The following BPIFA1 variants were observed in gnomAD, a reference collection of about 807,000 sequenced individuals.
BPIFA1 encodes the protein BPI fold containing family A member 1.
A neutral mutation model predicts 25.1 loss-of-function variants in BPIFA1; 24 were observed. That is an observed-to-expected ratio of 0.96 (90% CI 0.69 to 1.35). The LOEUF is 1.35. Among genes scored for constraint, BPIFA1 ranks in the 40% most tolerant of loss-of-function variants. The pLI is 0.00. For synonymous variants in BPIFA1, 139 were observed against 131.8 expected (o/e 1.05, Z -0.37); for missense variants, 344 against 303.7 (o/e 1.13, Z -0.99).
rs146179198 is a variant in BPIFA1, at chr20:33,239,874, T to C, written c.392T>C (p.Val131Ala). The C allele has an allele frequency of 1.6e-4, 256 of 1,614,068 alleles. No individual in the cohort carries two copies. Among genetic ancestry groups the C allele is most frequent in the Non-Finnish European group, 2.1e-4 (250 of 1,180,018 alleles). Residue 131 changes from valine (V) to alanine (A), a missense_variant, in exon 4 of 9, where the codon GTC becomes GCC. Physicochemically the swap from Val to Ala is moderately conservative, Grantham distance 64. Coordinates refer to ENST00000354297, the MANE Select transcript of BPIFA1 (RefSeq NM_130852.3). Reference sequence around the variant, plus strand: ...AGCCCTGATGGCCACCGTCTCTATGTCACCATCCCTCTCGGCATAAAGCTC... The same window carrying C: ...AGCCCTGATGGCCACCGTCTCTATGCCACCATCCCTCTCGGCATAAAGCTC... ...VQSPDGHRLYVTIPLGIKLQV... is the reference protein window; with the variant it reads ...VQSPDGHRLYATIPLGIKLQV...
chr20:33,242,337 G>T, intron 7 of BPIFA1, 150 bp from the exon 8 acceptor site: 1 of 1,053,058 alleles, frequency 9.5e-7, no homozygotes, highest in Non-Finnish European at 1.4e-6. Context: ...CTGGTTGGTA[G>T]AAGGAGGCCT....
chr20:33,238,166 T>C lies in BPIFA1; in HGVS notation c.272T>C (p.Leu91Pro). ...GGTSGGLLGG[L>P]LGKVTSVIPG... ...ACTTCTGGTGGCCTCCTTGGGGGAC[T>C]GCTTGGAAAAGTGACGTCAGTGATT... The change falls in exon 3 of 9, where the codon CTG becomes CCG. Residue 91 changes from leucine (L) to proline (P), a missense_variant. Coordinates refer to ENST00000354297, the MANE Select transcript of BPIFA1 (RefSeq NM_130852.3). 1 of 1,613,936 alleles carries C rather than the reference T, an allele frequency of 6.2e-7. No individual in the cohort carries two copies. The highest frequency in any genetic ancestry group is 8.5e-7 in the Non-Finnish European group (1 of 1,179,910).
In BPIFA1 at chr20:33,239,234, C is replaced by T. The variant is rs1274534645; in HGVS notation, c.321-569C>T. Among the ~76,000 whole-genome samples, 4 of 152,286 alleles carry T rather than the reference C, an allele frequency of 2.6e-5. No homozygotes were observed. In the East Asian group the frequency reaches 7.7e-4, roughly 29 times the overall value. On this transcript the variant is annotated intron_variant, in intron 3 of 8. Transcript: ENST00000354297. ...GGCTTCCTTCCACCCTTTCTGCACTCTCCCTGACTTCCTGCTCCTCAATTC... is the reference window on the plus strand; with the variant it reads ...GGCTTCCTTCCACCCTTTCTGCACTTTCCCTGACTTCCTGCTCCTCAATTC...
chr20:33,240,042 T>A, intron 4 of BPIFA1, 132 bp downstream of exon 4: 1 of 1,316,064 alleles, frequency 7.6e-7, no homozygotes, highest in Non-Finnish European at 1.1e-6. Context: ...GCTGCTATGC[T>A]AAGTGGCCTT....
At chr20:33,239,379 C>T (rs907645843) in intron 3 of BPIFA1, among the ~76,000 whole-genome samples, 2 of 152,216 alleles carry the variant, frequency 1.3e-5, no homozygotes, top group African/African-American at 4.8e-5. Context: ...ACCAATCCAT[C>T]ATCCAGTTAT....
At chr20:33,237,970 G>A (rs1029125072) in intron 2 of BPIFA1, 85 bp from the exon 3 acceptor site, 17 of 1,544,628 alleles carry the variant, frequency 1.1e-5, no homozygotes, top group Non-Finnish European at 1.5e-5. Flanking sequence ...GCAAAGTGGG[G>A]AGGGACAGGG....
Position 33,240,329 on chromosome 20 carries a change from G to T in BPIFA1, c.525G>T (p.Leu175=), listed in dbSNP as rs768775611. ...GAGATAAGCAGGAGAGGATCCACCT[G>T]GTCCTTGGTGACTGCACCCATTCCC... The part of the protein sequence containing the change: ...AVRDKQERIH[L]VLGDCTHSPG... Residue 175 remains leucine (L), a synonymous_variant, in exon 5 of 9, where the codon CTG becomes CTT. Coordinates refer to ENST00000354297, the MANE Select transcript of BPIFA1 (RefSeq NM_130852.3). The T allele has an allele frequency of 3.1e-6, 5 of 1,614,126 alleles. No individual in the cohort carries two copies. Among genetic ancestry groups the T allele is most frequent in the Middle Eastern group, 1.6e-4 (1 of 6,062 alleles).
In BPIFA1 at chr20:33,240,287, A is replaced by G. The variant is rs375155083; in HGVS notation, c.483A>G (p.Ala161=). 1.2e-6 allele frequency: 2 copies of G among 1,614,088 alleles called. No individual in the cohort carries two copies. The highest frequency in any genetic ancestry group is 1.7e-6 in the Non-Finnish European group (2 of 1,180,048). Residue 161 remains alanine (A), a synonymous_variant, in exon 5 of 9, where the codon GCA becomes GCG. Transcript: ENST00000354297. The part of the protein sequence containing the change: ...LRLAVKLDIT[A]EILAVRDKQE... ...TGGCTGTGAAGCTGGACATCACTGCAGAAATCTTAGCTGTGAGAGATAAGC... is the reference window on the plus strand; with the variant it reads ...TGGCTGTGAAGCTGGACATCACTGCGGAAATCTTAGCTGTGAGAGATAAGC...
At chr20:33,237,475 G>T (rs1332799526) in intron 1 of BPIFA1, among the ~76,000 whole-genome samples, 7 of 152,160 alleles carry the variant, frequency 4.6e-5, no homozygotes, top group Non-Finnish European at 1.0e-4. Context: ...TGCAATGCAG[G>T]TAACAGGTGC....
chr20:33,239,917 G>A lies in BPIFA1; in HGVS notation c.428+7G>A. On this transcript the variant is annotated splice_region_variant and intron_variant, in intron 4 of 8. Coordinates refer to ENST00000354297, the MANE Select transcript of BPIFA1 (RefSeq NM_130852.3). ...TAAAGCTCCAAGTGAATACGTGAGT[G>A]GGTCCCAAGAGGGGGTGAGAGGATG... is the stretch of plus-strand genomic sequence containing the variant. The A allele has an allele frequency of 1.9e-6, 3 of 1,611,134 alleles. No homozygotes were observed. Among genetic ancestry groups the A allele is most frequent in the Non-Finnish European group, 2.5e-6 (3 of 1,177,296 alleles).
At position 33,239,785 on chromosome 20, in the gene BPIFA1, A is replaced by G; in HGVS notation, c.321-18A>G. 6.2e-7 allele frequency: 1 copy of G among 1,607,976 alleles called. No homozygotes were observed. ...AGAGGAGCTAATGTTTCCCCCTCCA[A>G]TATTACTCCCTGGACAGCATAAAGG... is the stretch of plus-strand genomic sequence containing the variant. On this transcript the variant is annotated intron_variant, in intron 3 of 8. Coordinates refer to ENST00000354297, the MANE Select transcript of BPIFA1 (RefSeq NM_130852.3).
intron 3 of BPIFA1, 72 bp from the exon 4 acceptor site, chr20:33,239,731 G>T (rs1978863115): frequency 1.4e-6 from 2 of 1,429,816 alleles, no homozygotes; most frequent in Non-Finnish European, 9.9e-7. Context: ...GGTACTGTTA[G>T]GTTAAAGATG....
intron 7 of BPIFA1, 74 bp downstream of exon 7, chr20:33,242,193 C>T (rs1382967316): frequency 7.5e-6 from 11 of 1,466,998 alleles, no homozygotes; most frequent in South Asian, 1.1e-5. Flanking sequence ...TTTTTCCCTG[C>T]ACACCCTAGG....
Position 33,237,898 on chromosome 20 carries a change from ATGTGTGTGTGTGTGTGTGTG to A in BPIFA1, c.160+61_160+80del, listed in dbSNP as rs11468029. On this transcript the variant is annotated intron_variant, in intron 2 of 8. Coordinates refer to ENST00000354297, the MANE Select transcript of BPIFA1 (RefSeq NM_130852.3). Reference sequence around the variant, plus strand: ...TGAGTTTTCAGGGGTGTATGTGTGCATGTGTGTGTGTGTGTGTGTGTGTGTGTGTGTGTGTGTGTGTGTGT... The same window carrying A: ...TGAGTTTTCAGGGGTGTATGTGTGCATGTGTGTGTGTGTGTGTGTGTGTGT... 3.5e-3 allele frequency: 4,112 copies of A among 1,184,756 alleles called. 3 individuals carry two copies. The highest frequency in any genetic ancestry group is 5.4e-3 in the Middle Eastern group (20 of 3,682). 73.4% of individuals were successfully genotyped at this position (1,184,756 alleles called of 1,614,324 possible).
At chr20:33,238,817 G>C (rs148757624) in intron 3 of BPIFA1, among the ~76,000 whole-genome samples, 1 of 152,320 alleles carries the variant, frequency 6.6e-6, no homozygotes, top group East Asian at 1.9e-4. Context: ...TGATGCCAGT[G>C]AGCCGGCAGA....
At chr20:33,241,157 T>C (rs1364178307) in intron 5 of BPIFA1, among the ~76,000 whole-genome samples, 1 of 152,242 alleles carries the variant, frequency 6.6e-6, no homozygotes, top group Non-Finnish European at 1.5e-5. Context: ...ACCTGCTTTT[T>C]CTGAGAACCA....
intron 5 of BPIFA1, among the ~76,000 whole-genome samples, chr20:33,240,645 TGATAGATAGATAGATA>T (rs10677321): frequency 1.4e-5 from 2 of 142,840 alleles, no homozygotes; most frequent in Non-Finnish European, 1.5e-5. Flanking sequence ...GATAGATAGA[TGATAGATAGATAGATA>T]GATAGATAGA....
intron 1 of BPIFA1, 65 bp from the exon 2 acceptor site, chr20:33,237,632 G>C: frequency 7.6e-7 from 1 of 1,313,918 alleles, no homozygotes; most frequent in South Asian, 2.6e-5. Flanking sequence ...CAGGTGTCAG[G>C]GCAGGTGGTG....
chr20:33,240,615 G>T (rs932508101), intron 5 of BPIFA1, among the ~76,000 whole-genome samples: 1 of 144,758 alleles, frequency 6.9e-6, no homozygotes. Flanking sequence ...TGGAGAGAAG[G>T]ATGAATAGAT....
Sources: gnomAD v4.1 joint callset for allele counts (sites outside exome capture counted in the v4.1 genomes callset) on GRCh38, gnomAD v4.1.1 for gene constraint, MANE v1.5 for transcripts, NCBI Gene and HGNC (gene_info 2026-07-23, HGNC 2026-07-21) for gene names.